GLS: variants seen among roughly 807,000 people sequenced by gnomAD.
GLS encodes the protein glutaminase kidney isoform, mitochondrial.
A neutral mutation model predicts 86.7 loss-of-function variants in GLS; 36 were observed. That is an observed-to-expected ratio of 0.42 (90% CI 0.32 to 0.55). GLS has a LOEUF of 0.55. GLS is among the 20% of genes least tolerant of loss of function. The pLI is 0.17. For missense variants in GLS, 528 were observed against 833.4 expected, an observed-to-expected ratio of 0.63 and a Z score of 4.51; for synonymous variants, 317 against 305.9, an observed-to-expected ratio of 1.04 and a Z score of -0.38.
rs537349800 is a variant in GLS, at chr2:190,928,493, C to T, written c.1425+1011C>T. ...GGGATTACAGGCGCCTGCCACTGCACCTGGCTAATTTTTGTATTTTTAGTA... is the reference window on the plus strand; with the variant it reads ...GGGATTACAGGCGCCTGCCACTGCATCTGGCTAATTTTTGTATTTTTAGTA... On this transcript the variant is annotated intron_variant, in intron 12 of 17. Transcript: ENST00000320717. 1.7e-3 allele frequency among the ~76,000 whole-genome samples: 256 copies of T among 151,906 alleles called. 3 individuals carry two copies. Among genetic ancestry groups the T allele is most frequent in the South Asian group, 0.014 (69 of 4,814 alleles).
At chr2:190,890,021 C>T (rs931020279) in intron 1 of GLS, among the ~76,000 whole-genome samples, 1 of 151,950 alleles carries the variant, frequency 6.6e-6, no homozygotes, top group African/African-American at 2.4e-5. Flanking sequence ...CCACTGAGAG[C>T]ATGAGGTGGC....
In GLS at chr2:190,962,876, G is replaced by C. The variant is rs1691036421; in HGVS notation, c.1900G>C (p.Asp634His). Residue 634 changes from aspartate to histidine, a missense_variant, in exon 18 of 18, where the codon GAT becomes CAT. Asp to His is a moderately conservative substitution (Grantham distance 81). Transcript: ENST00000320717. This position sits in a 1 kb window ranked among gnomAD's most constrained non-coding sequence, Gnocchi z 4.2. ...MDEALHFGHH[D>H]VFKILQEYQV... is the part of the protein sequence containing the mutation. Reference sequence around the variant, plus strand: ...TGAAGCACTGCACTTTGGACACCATGATGTATTTAAAATTCTCCAAGAATA... The same window carrying C: ...TGAAGCACTGCACTTTGGACACCATCATGTATTTAAAATTCTCCAAGAATA... The C allele has an allele frequency of 6.3e-7, 1 of 1,597,930 alleles. No homozygotes were observed. The highest frequency in any genetic ancestry group is 1.1e-5 in the South Asian group (1 of 87,950).
intron 7 of GLS, among the ~76,000 whole-genome samples, chr2:190,916,374 T>C (rs1689534647): frequency 6.6e-6 from 1 of 152,170 alleles, no homozygotes; most frequent in African/African-American, 2.4e-5. Flanking sequence ...ATAAAGATAA[T>C]GGATTTTTTA....
intron 14 of GLS, among the ~76,000 whole-genome samples, chr2:190,940,876 T>C (rs1385337072): frequency 6.6e-6 from 1 of 152,080 alleles, no homozygotes; most frequent in Non-Finnish European, 1.5e-5. Context: ...CCTTTAAAAT[T>C]ATTTTCTTTT....
At position 190,964,729 on chromosome 2, in the gene GLS, A is replaced by AT. The variant is rs1408999885; in HGVS notation, c.*1744dup. The AT allele has an allele frequency of 6.6e-6, 1 of 152,164 alleles. No homozygotes were observed. Among genetic ancestry groups the AT allele is most frequent in the Admixed American group, 6.6e-5 (1 of 15,226 alleles). 9.4% of individuals were successfully genotyped at this position (152,164 alleles called of 1,614,324 possible). On this transcript the variant is annotated 3_prime_UTR_variant, in exon 18 of 18. Transcript: ENST00000320717. This position sits in a 1 kb window ranked among gnomAD's most constrained non-coding sequence, Gnocchi z 5.2. The stretch of plus-strand genomic sequence containing the variant: ...CATGGAGACAGGTAGCATTTGTAAG[A>AT]TGCTGCACAGGAGCAGCATTATCCC...
At chr2:190,934,341 C>T in intron 14 of GLS, 1 of 964,878 alleles carries the variant, frequency 1.0e-6, no homozygotes, top group Non-Finnish European at 1.2e-6. Context: ...AAAAGAAATT[C>T]CCTTCTAGAG....
chr2:190,919,134 C>T (rs1689649702), intron 7 of GLS, among the ~76,000 whole-genome samples: 1 of 152,096 alleles, frequency 6.6e-6, no homozygotes, highest in African/African-American at 2.4e-5. Flanking sequence ...AAAAAATGCA[C>T]TATCTGTGAA....
intron 14 of GLS, among the ~76,000 whole-genome samples, chr2:190,932,359 G>C (rs1191029991): frequency 4.6e-5 from 7 of 151,746 alleles, no homozygotes; most frequent in Non-Finnish European, 1.0e-4. Flanking sequence ...CAGTTTCTTT[G>C]CGTACCATAT....
intron 13 of GLS, 36 bp from the exon 14 acceptor site, chr2:190,931,509 C>A: frequency 1.1e-6 from 1 of 926,410 alleles, no homozygotes; most frequent in Non-Finnish European, 1.7e-6. Flanking sequence ...AATGAATAGC[C>A]AATTTCTTAT....
rs1160660979 is a variant in GLS at position 190,914,457 on chromosome 2, G to A, written c.1038+4136G>A. On this transcript the variant is annotated intron_variant, in intron 7 of 17. Transcript: ENST00000320717. The surrounding 1 kb of genome is among the most constrained non-coding windows in gnomAD (Gnocchi z 4.4). ...TTTTTTTTTTTTAATGAAAGGTAGA[G>A]CATTTATTGTCAACTGAAAATTGTT... Among the ~76,000 whole-genome samples, 1 of 150,674 alleles carries A rather than the reference G, an allele frequency of 6.6e-6. No homozygotes were observed.
chr2:190,881,009 G>A lies in GLS; in HGVS notation c.-76G>A, dbSNP rs961989702. The A allele has an allele frequency of 1.3e-5, 19 of 1,462,896 alleles. No homozygotes were observed. In the African/African-American group the frequency reaches 2.4e-4, roughly 18 times the overall value. 90.6% of individuals were successfully genotyped at this position (1,462,896 alleles called of 1,614,324 possible). A position where few individuals can be genotyped will look rare whatever the true frequency, so the allele number is the denominator to read the frequency against. ...TCATCTCACCGCCCCACCACAGACC[G>A]CGTTCCCCGAGGAAACCGGCCGCCC... On this transcript the variant is annotated 5_prime_UTR_variant, in exon 1 of 18. Transcript: ENST00000320717.
In GLS at chr2:190,921,319, C is replaced by A; in HGVS notation, c.1130+116C>A. The stretch of plus-strand genomic sequence containing the variant: ...ATTTCTAAATTACCTGACAGAAACA[C>A]TTAAAAATACTTTAAATAGTTTTGA... On this transcript the variant is annotated intron_variant, in intron 9 of 17. Transcript: ENST00000320717. The surrounding 1 kb of genome is among the most constrained non-coding windows in gnomAD (Gnocchi z 4.2). The A allele has an allele frequency of 1.3e-6, 1 of 751,328 alleles. No homozygotes were observed. Among genetic ancestry groups the A allele is most frequent in the Admixed American group, 2.2e-5 (1 of 44,598 alleles). 46.5% of individuals were successfully genotyped at this position (751,328 alleles called of 1,614,324 possible).
chr2:190,903,983 T>G (rs984409185), intron 5 of GLS, among the ~76,000 whole-genome samples: 14 of 152,202 alleles, frequency 9.2e-5, no homozygotes, highest in Admixed American at 1.3e-4. Flanking sequence ...ATAATTGGGT[T>G]GGCCAGAACT....
Position 190,880,890 on chromosome 2 carries a change from A to AGCC in GLS, c.-193_-192insCGC. The AGCC allele has an allele frequency of 2.1e-6, 1 of 478,738 alleles. No homozygotes were observed. The highest frequency in any genetic ancestry group is 3.2e-6 in the Non-Finnish European group (1 of 317,122). The allele number at this position is 478,738 out of a possible 1,614,324, so 29.7% of individuals were successfully genotyped here. ...CCTAGCGCGCAGCAGCAGCAGCAGC[A>AGCC]GCAGCAGCAGCAGCAGCAGCAGCAG... On this transcript the variant is annotated 5_prime_UTR_variant, in exon 1 of 18. Transcript: ENST00000320717.
intron 1 of GLS, among the ~76,000 whole-genome samples, chr2:190,886,360 A>C (rs924725432): frequency 3.3e-5 from 5 of 152,232 alleles, no homozygotes; most frequent in African/African-American, 1.2e-4. Context: ...TGAAAGAACA[A>C]GAATTAGATT....
chr2:190,895,814 C>A lies in GLS; in HGVS notation c.605+89C>A. Reference sequence around the variant, plus strand: ...AACAAAATTGCATCTTTGAAGGCCACTGCTTCCTGTGTAATGGAAAAAGGG... The same window carrying A: ...AACAAAATTGCATCTTTGAAGGCCAATGCTTCCTGTGTAATGGAAAAAGGG... On this transcript the variant is annotated intron_variant, in intron 3 of 17. Coordinates refer to ENST00000320717, the MANE Select transcript of GLS (RefSeq NM_014905.5). This position sits in a 1 kb window ranked among gnomAD's most constrained non-coding sequence, Gnocchi z 4.2. The A allele has an allele frequency of 1.1e-6, 1 of 940,022 alleles. No homozygotes were observed. The highest frequency in any genetic ancestry group is 1.6e-6 in the Non-Finnish European group (1 of 627,316). The allele number at this position is 940,022 out of a possible 1,614,324, so 58.2% of individuals were successfully genotyped here. A position where few individuals can be genotyped will look rare whatever the true frequency, so the allele number is the denominator to read the frequency against.
chr2:190,913,436 A>C lies in GLS; in HGVS notation c.1038+3115A>C. 1 of 892,422 alleles carries C rather than the reference A, an allele frequency of 1.1e-6. No individual in the cohort carries two copies. The highest frequency in any genetic ancestry group is 1.4e-6 in the Non-Finnish European group (1 of 714,186). The allele number at this position is 892,422 out of a possible 1,614,324, so 55.3% of individuals were successfully genotyped here. On this transcript the variant is annotated intron_variant, in intron 7 of 17. Coordinates refer to ENST00000320717, the MANE Select transcript of GLS (RefSeq NM_014905.5). This position sits in a 1 kb window ranked among gnomAD's most constrained non-coding sequence, Gnocchi z 6.1. ...CATAATTTTTAAAAATCATAAGGGT[A>C]TTATACTTCCTCTCTTTTTCTCTGT... is the stretch of plus-strand genomic sequence containing the variant.
Position 190,895,581 on chromosome 2 carries a change from A to G in GLS, c.484-23A>G. On this transcript the variant is annotated intron_variant, in intron 2 of 17. Coordinates refer to ENST00000320717, the MANE Select transcript of GLS (RefSeq NM_014905.5). The surrounding 1 kb of genome is among the most constrained non-coding windows in gnomAD (Gnocchi z 4.2). ...ACATTATTTGCACTATATATTTACA[A>G]ACTCTTATTTTTTTAAAAACAGGCA... The G allele has an allele frequency of 6.4e-7, 1 of 1,554,508 alleles. No homozygotes were observed. Among genetic ancestry groups the G allele is most frequent in the Non-Finnish European group, 8.8e-7 (1 of 1,134,646 alleles).
At chr2:190,925,155 A>G (rs1278446449) in intron 11 of GLS, among the ~76,000 whole-genome samples, 2 of 152,326 alleles carry the variant, frequency 1.3e-5, no homozygotes, top group East Asian at 3.9e-4. Context: ...GGCACTCTTA[A>G]TTATAAACTG....
Sources: gnomAD v4.1 joint callset for allele counts (sites outside exome capture counted in the v4.1 genomes callset) on GRCh38, gnomAD v4.1.1 for gene constraint, Gnocchi (gnomAD v3.1) non-coding constraint, MANE v1.5 for transcripts, NCBI Gene and HGNC (gene_info 2026-07-23, HGNC 2026-07-21) for gene names.